Variants in CCAR1 observed in about 807,000 individuals in gnomAD.
CCAR1 encodes cell division cycle and apoptosis regulator 1, also known as cell division cycle and apoptosis regulator protein 1.
Under a neutral mutation model 163.8 loss-of-function variants are expected in CCAR1, and 78 were observed. The ratio of observed to expected loss-of-function variants is 0.48; its 90% confidence interval spans 0.40 to 0.57. The LOEUF (loss-of-function observed/expected upper bound fraction) is 0.57. Among genes scored for constraint, CCAR1 ranks in the 20% least tolerant of loss-of-function variants. CCAR1 has a pLI of 0.00. For missense variants in CCAR1, 1,019 were observed against 1,365.2 expected (o/e 0.75, Z 4.00); for synonymous variants, 443 against 460.7 (o/e 0.96, Z 0.49).
intron 4 of CCAR1, among the ~76,000 whole-genome samples, chr10:68,738,837 A>G (rs953616374): frequency 6.6e-6 from 1 of 152,124 alleles, no homozygotes; most frequent in African/African-American, 2.4e-5. Context: ...ACTTGAGGTC[A>G]GGAGTTTGAT....
At chr10:68,722,062 C>T (rs759221125) in intron 1 of CCAR1, among the ~76,000 whole-genome samples, 34 of 152,272 alleles carry the variant, frequency 2.2e-4, no homozygotes, top group Non-Finnish European at 4.7e-4. Flanking sequence ...TAACATTACC[C>T]TGGCCTCACT....
chr10:68,777,439 G>A (rs1273205630), intron 19 of CCAR1, among the ~76,000 whole-genome samples: 1 of 151,928 alleles, frequency 6.6e-6, no homozygotes, highest in Non-Finnish European at 1.5e-5. Flanking sequence ...TCAGCACTTT[G>A]TGGGAGGCCG....
chr10:68,765,428 T>C (rs1250553006), intron 16 of CCAR1, among the ~76,000 whole-genome samples: 1 of 152,222 alleles, frequency 6.6e-6, no homozygotes, highest in East Asian at 1.9e-4. Flanking sequence ...CACATGGGTC[T>C]TTTGGCCTTT....
At chr10:68,721,716 G>C in intron 1 of CCAR1, 1 of 340,176 alleles carries the variant, frequency 2.9e-6, no homozygotes, top group Non-Finnish European at 6.0e-6. Context: ...GTCGTGGGGC[G>C]GTGGGTTCCG....
At chr10:68,775,348 A>G (rs574920620) in intron 19 of CCAR1, among the ~76,000 whole-genome samples, 35 of 152,214 alleles carry the variant, frequency 2.3e-4, no homozygotes, top group African/African-American at 7.7e-4. Context: ...TATCTTCATT[A>G]CTTGCTTTAC....
At chr10:68,737,102 GTAGC>G in intron 3 of CCAR1, 54 bp downstream of exon 3, 2 of 1,278,154 alleles carry the variant, frequency 1.6e-6, no homozygotes, top group Admixed American at 2.0e-5. Context: ...TGAAATCTGA[GTAGC>G]TAGCATTGCT....
At chr10:68,764,527 C>A (rs1358439996) in intron 16 of CCAR1, among the ~76,000 whole-genome samples, 1 of 151,696 alleles carries the variant, frequency 6.6e-6, no homozygotes, top group Non-Finnish European at 1.5e-5. Context: ...AGAGTGAGAC[C>A]CTGTCTCAAA....
intron 19 of CCAR1, among the ~76,000 whole-genome samples, chr10:68,784,917 T>G (rs1333263850): frequency 6.7e-5 from 6 of 90,016 alleles, no homozygotes; most frequent in African/African-American, 2.6e-4. Flanking sequence ...GAACATAACT[T>G]TTTTTTTTTT....
chr10:68,762,055 A>T (rs1002529183), intron 16 of CCAR1, among the ~76,000 whole-genome samples: 5 of 151,794 alleles, frequency 3.3e-5, no homozygotes, highest in Non-Finnish European at 5.9e-5. Context: ...AAAGGCCGGG[A>T]GCGGTGGCTC....
chr10:68,785,662 T>C (rs1236331648), intron 19 of CCAR1, among the ~76,000 whole-genome samples: 1 of 152,202 alleles, frequency 6.6e-6, no homozygotes. Context: ...TGGTTTTTAA[T>C]ATATTCAGAG....
intron 17 of CCAR1, among the ~76,000 whole-genome samples, chr10:68,769,831 C>T (rs1188932955): frequency 6.7e-6 from 1 of 150,000 alleles, no homozygotes; most frequent in Non-Finnish European, 1.5e-5. Flanking sequence ...GGCCCAGCTA[C>T]TGGGGAGGCT....
chr10:68,770,295 T>A (rs368205026), intron 17 of CCAR1, among the ~76,000 whole-genome samples: 3 of 152,322 alleles, frequency 2.0e-5, no homozygotes, highest in Non-Finnish European at 2.9e-5. Context: ...ATGATTTGGT[T>A]ATTTATTCTC....
chr10:68,751,920 GTTT>G (rs1161207615), intron 10 of CCAR1, among the ~76,000 whole-genome samples: 1 of 128,950 alleles, frequency 7.8e-6, no homozygotes, highest in Non-Finnish European at 1.6e-5. Flanking sequence ...TTTTGTTTTT[GTTT>G]TTTTTTTTTT....
chr10:68,738,881 T>G (rs1185170978), intron 4 of CCAR1, among the ~76,000 whole-genome samples: 1 of 152,172 alleles, frequency 6.6e-6, no homozygotes, highest in Non-Finnish European at 1.5e-5. Context: ...ACCCTCTCTC[T>G]ACTAAAAATA....
rs560731556 is a variant in CCAR1, at chr10:68,761,082, T to C, written c.1996T>C (p.Leu666=). Residue 666 remains leucine (L), a synonymous_variant, in exon 16 of 25, where the codon TTG becomes CTG. Transcript: ENST00000265872. ...KGLKSQLIAR[L]TKQLKVEEQK... ...ATTAAAATCCCAGTTAATAGCCCGATTGACAAAACAGCTTAAAGTAGAGGA... is the reference window on the plus strand; with the variant it reads ...ATTAAAATCCCAGTTAATAGCCCGACTGACAAAACAGCTTAAAGTAGAGGA... 6.8e-6 allele frequency: 11 copies of C among 1,607,912 alleles called. No homozygotes were observed. The highest frequency in any genetic ancestry group is 1.1e-5 in the South Asian group (1 of 90,636).
chr10:68,743,732 G>A (rs9415934), intron 6 of CCAR1, among the ~76,000 whole-genome samples: 1,305 of 9,768 alleles, frequency 0.13, 25 homozygotes, highest in South Asian at 0.31. Flanking sequence ...TTATTTGTTT[G>A]TTTATTTATT....
chr10:68,790,517 G>A, intron 24 of CCAR1, among the ~76,000 whole-genome samples: 1 of 151,874 alleles, frequency 6.6e-6, no homozygotes, highest in Admixed American at 6.6e-5. Context: ...TCACTTCTCT[G>A]TGTTTTTTTT....
At chr10:68,735,371 CTTTTT>C (rs34103994) in intron 2 of CCAR1, among the ~76,000 whole-genome samples, 60 of 115,398 alleles carry the variant, frequency 5.2e-4, no homozygotes, top group African/African-American at 1.8e-3. Flanking sequence ...CGTTTTTGTG[CTTTTT>C]TTTTTTTTTT....
chr10:68,759,286 A>G (rs746743951), intron 15 of CCAR1: 8 of 152,316 alleles, frequency 5.3e-5, no homozygotes, highest in African/African-American at 7.2e-5. Flanking sequence ...ATAGTGGCAC[A>G]CGCCTGTAGT....
Sources: allele counts gnomAD v4.1 joint callset (sites outside exome capture counted in the v4.1 genomes callset), GRCh38; gene constraint gnomAD v4.1.1; transcripts MANE v1.5; gene names NCBI Gene and HGNC (gene_info 2026-07-23, HGNC 2026-07-21).